The following BCAS3 variants were observed in gnomAD, a reference collection of about 807,000 sequenced individuals.
BCAS3 encodes BCAS3 microtubule associated cell migration factor.
BCAS3 carries 53 observed loss-of-function variants against 116.1 expected under a neutral mutation model. That is an observed-to-expected ratio of 0.46 (90% CI 0.37 to 0.57). BCAS3 has a LOEUF of 0.57. Ranked by LOEUF, BCAS3 falls within the 20% of genes least tolerant of loss-of-function variation. The pLI, the probability that BCAS3 is intolerant of heterozygous loss-of-function variation, is 0.00. For missense variants in BCAS3, 917 were observed against 1,165.4 expected, an observed-to-expected ratio of 0.79 and a Z score of 3.10; for synonymous variants, 391 against 408.2, an observed-to-expected ratio of 0.96 and a Z score of 0.51.
intron 5 of BCAS3, among the ~76,000 whole-genome samples, chr17:60,713,097 G>C (rs898998596): frequency 6.6e-6 from 1 of 152,210 alleles, no homozygotes; most frequent in African/African-American, 2.4e-5. Context: ...CTTCAGGAAA[G>C]GGAACTTGAG....
At chr17:61,117,030 G>T (rs2075509171) in intron 22 of BCAS3, among the ~76,000 whole-genome samples, 1 of 152,072 alleles carries the variant, frequency 6.6e-6, no homozygotes, top group South Asian at 2.1e-4. Flanking sequence ...GTCAATTTAT[G>T]TCTCTTAAAA....
Position 60,847,379 on chromosome 17 carries a change from C to G in BCAS3, c.477-21197C>G, listed in dbSNP as rs1042803374. 2.6e-5 allele frequency among the ~76,000 whole-genome samples: 4 copies of G among 152,098 alleles called. No homozygotes were observed. In the South Asian group the frequency reaches 8.3e-4, roughly 32 times the overall value. On this transcript the variant is annotated intron_variant, in intron 7 of 23. Transcript: ENST00000407086. ...AGAATTGCTGGGTCGTATGATAATT[C>G]TATGTTTAACTTTTTGAGGTACTGC...
At chr17:61,036,387 A>T (rs991302878) in intron 17 of BCAS3, 1 of 152,190 alleles carries the variant, frequency 6.6e-6, no homozygotes, top group Non-Finnish European at 1.5e-5. Context: ...TTCCTTACCT[A>T]AGTGGGAGAG....
rs2076388482 is a variant in BCAS3 at position 61,132,384 on chromosome 17, G to C, written c.2425+47820G>C. On this transcript the variant is annotated intron_variant, in intron 22 of 23. Coordinates refer to ENST00000407086, the MANE Select transcript of BCAS3 (RefSeq NM_017679.5). The surrounding 1 kb of genome is among the most constrained non-coding windows in gnomAD (Gnocchi z 5.1). ...ACTTGACAGATAATTATGGTTGCTT[G>C]ACCTGGGTCTTGGGGCATCTACCAA... 6.6e-6 allele frequency among the ~76,000 whole-genome samples: 1 copy of C among 152,188 alleles called. No homozygotes were observed. The highest frequency in any genetic ancestry group is 2.1e-4 in the South Asian group (1 of 4,834).
chr17:61,271,937 G>C (rs1394737939), intron 22 of BCAS3, among the ~76,000 whole-genome samples: 1 of 148,484 alleles, frequency 6.7e-6, no homozygotes, highest in East Asian at 1.9e-4. Context: ...AGCTTCTCAA[G>C]TTGCTGGGAC....
intron 4 of BCAS3, among the ~76,000 whole-genome samples, chr17:60,700,549 GTT>G (rs2036253698): frequency 6.6e-6 from 1 of 152,186 alleles, no homozygotes; most frequent in South Asian, 2.1e-4. Context: ...GGTGGAATGA[GTT>G]AACCTAGGAG....
chr17:60,876,380 T>C (rs2055607258), intron 9 of BCAS3, among the ~76,000 whole-genome samples: 1 of 152,064 alleles, frequency 6.6e-6, no homozygotes, highest in South Asian at 2.1e-4. Context: ...ACCCCTTCTC[T>C]TTATGATGTT....
chr17:61,138,596 C>G (rs1051313860), intron 22 of BCAS3, among the ~76,000 whole-genome samples: 96 of 152,110 alleles, frequency 6.3e-4, no homozygotes, highest in Non-Finnish European at 3.7e-4. Context: ...AATAAATTAT[C>G]CATTTAGGGG....
chr17:60,787,158 C>T (rs1239485217), intron 6 of BCAS3, among the ~76,000 whole-genome samples: 1 of 152,092 alleles, frequency 6.6e-6, no homozygotes, highest in Admixed American at 6.6e-5. Flanking sequence ...TAAATGAAAG[C>T]ATAATTTATG....
intron 7 of BCAS3, chr17:60,810,959 AGGAGCTG>A: frequency 1.5e-6 from 1 of 680,844 alleles, no homozygotes; most frequent in African/African-American, 1.8e-5. Flanking sequence ...AAGAACCAAG[AGGAGCTG>A]GACAAGTACT....
chr17:60,684,277 A>G (rs1213282037), intron 3 of BCAS3, among the ~76,000 whole-genome samples: 1 of 152,168 alleles, frequency 6.6e-6, no homozygotes, highest in Non-Finnish European at 1.5e-5. Flanking sequence ...GTGAATTGTT[A>G]GTAGAGATTT....
chr17:60,791,608 G>A (rs1363418102), intron 6 of BCAS3, among the ~76,000 whole-genome samples: 1 of 152,110 alleles, frequency 6.6e-6, no homozygotes, highest in Non-Finnish European at 1.5e-5. Context: ...GAGCTATGAT[G>A]TCCAGCCTAG....
chr17:61,113,138 AAG>A (rs2075208202), intron 22 of BCAS3, among the ~76,000 whole-genome samples: 1 of 66,372 alleles, frequency 1.5e-5, no homozygotes, highest in Admixed American at 2.1e-4. Context: ...GAAAGCAGGA[AAG>A]ATCCAAAATT....
intron 14 of BCAS3, among the ~76,000 whole-genome samples, chr17:60,973,644 G>C (rs1009921256): frequency 6.7e-6 from 1 of 149,446 alleles, no homozygotes; most frequent in Non-Finnish European, 1.5e-5. Context: ...CCAGGCTGGA[G>C]GTCAGTGGTG....
At chr17:61,038,651 G>A (rs200460247) in intron 18 of BCAS3, among the ~76,000 whole-genome samples, 1 of 133,540 alleles carries the variant, frequency 7.5e-6, no homozygotes, top group African/African-American at 2.8e-5. Context: ...CCTTTTTTTT[G>A]TTTTGTTTTT....
At chr17:61,273,731 CTT>C (rs71355183) in intron 22 of BCAS3, among the ~76,000 whole-genome samples, 2 of 138,810 alleles carry the variant, frequency 1.4e-5, no homozygotes, top group Non-Finnish European at 1.6e-5. Context: ...TGGCTCTGTT[CTT>C]TTTTTTTTTT....
In BCAS3 at chr17:61,387,664, G is replaced by A. The variant is rs759933520; in HGVS notation, c.2594-4313G>A. Among the ~76,000 whole-genome samples the A allele has an allele frequency of 2.0e-5, 3 of 152,174 alleles. No individual in the cohort carries two copies. Among genetic ancestry groups the A allele is most frequent in the Non-Finnish European group, 2.9e-5 (2 of 68,034 alleles). On this transcript the variant is annotated intron_variant, in intron 23 of 23. Transcript: ENST00000407086. The surrounding 1 kb of genome is among the most constrained non-coding windows in gnomAD (Gnocchi z 6.2). The stretch of plus-strand genomic sequence containing the variant: ...CGGGTAACAGGCCCATTTCCAATAT[G>A]AGCCAACAGGGAATGGCTCTCCAGC...
rs1039115336 is a variant in BCAS3 at position 61,239,166 on chromosome 17, C to T, written c.2426-129161C>T. ...TGAGCTCATTTTTGAAATGCAAAAG[C>T]AAAAAGGAATAAAATAGCAGGTTAC... On this transcript the variant is annotated intron_variant, in intron 22 of 23. Coordinates refer to ENST00000407086, the MANE Select transcript of BCAS3 (RefSeq NM_017679.5). The surrounding 1 kb of genome is among the most constrained non-coding windows in gnomAD (Gnocchi z 4.2). Among the ~76,000 whole-genome samples, 7 of 151,856 alleles carry T rather than the reference C, an allele frequency of 4.6e-5. No individual in the cohort carries two copies. Among genetic ancestry groups the T allele is most frequent in the Non-Finnish European group, 1.0e-4 (7 of 67,948 alleles).
rs2059510875 is a variant in BCAS3, at chr17:61,379,708, C to G, written c.2593+11214C>G. On this transcript the variant is annotated intron_variant, in intron 23 of 23. Transcript: ENST00000407086. This position sits in a 1 kb window ranked among gnomAD's most constrained non-coding sequence, Gnocchi z 5.5. ...TCCCCCAGCACCAGGCTTCGCAGCC[C>G]TCCCCTGTTACCCACATATGTTTTA... is the stretch of plus-strand genomic sequence containing the variant. 1 of 152,322 alleles carries G rather than the reference C, an allele frequency of 6.6e-6. No individual in the cohort carries two copies. The highest frequency in any genetic ancestry group is 1.5e-5 in the Non-Finnish European group (1 of 68,100). 9.4% of individuals were successfully genotyped at this position (152,322 alleles called of 1,614,324 possible). A position where few individuals can be genotyped will look rare whatever the true frequency, so the allele number is the denominator to read the frequency against.
Sources: allele counts gnomAD v4.1 joint callset (sites outside exome capture counted in the v4.1 genomes callset), GRCh38; gene constraint gnomAD v4.1.1; non-coding constraint Gnocchi (gnomAD v3.1); transcripts MANE v1.5; gene names NCBI Gene and HGNC (gene_info 2026-07-23, HGNC 2026-07-21).